The following CDH18 variants were observed in gnomAD, a reference collection of about 807,000 sequenced individuals.
CDH18 encodes cadherin 18.
A neutral mutation model predicts 67.9 loss-of-function variants in CDH18; 31 were observed. The ratio of observed to expected loss-of-function variants is 0.46; its 90% CI spans 0.34 to 0.62. The LOEUF is 0.62. CDH18 is among the 20% of genes least tolerant of loss of function. The pLI, the probability that CDH18 is intolerant of heterozygous loss-of-function variation, is 0.01. For missense variants in CDH18, 890 were observed against 975.5 expected, an observed-to-expected ratio of 0.91 and a Z score of 1.17; for synonymous variants, 362 against 347.2, an observed-to-expected ratio of 1.04 and a Z score of -0.48.
At position 19,503,780 on chromosome 5, in the gene CDH18, T is replaced by C. The variant is rs114262358; in HGVS notation, c.1513-671A>G. Among the ~76,000 whole-genome samples the C allele has an allele frequency of 4.5e-3, 692 of 152,280 alleles. 9 individuals are homozygous for C. Among genetic ancestry groups the C allele is most frequent in the African/African-American group, 0.016 (646 of 41,586 alleles). On this transcript the variant is annotated intron_variant, in intron 10 of 12. Transcript: ENST00000382275. ...AAAAAGCAGAGTAAGTTAGAATTTATGGTGGCCCAAGAGAAGAACGTGCAT... is the reference window on the plus strand; with the variant it reads ...AAAAAGCAGAGTAAGTTAGAATTTACGGTGGCCCAAGAGAAGAACGTGCAT...
At chr5:19,823,443 C>T (rs906982138) in intron 3 of CDH18, among the ~76,000 whole-genome samples, 1 of 152,140 alleles carries the variant, frequency 6.6e-6, no homozygotes, top group Non-Finnish European at 1.5e-5. Flanking sequence ...ATGAAATCTT[C>T]ATAATCCACA....
intron 1 of CDH18, among the ~76,000 whole-genome samples, chr5:20,528,406 A>C (rs1433986666): frequency 1.3e-5 from 2 of 152,060 alleles, no homozygotes; most frequent in African/African-American, 4.8e-5. Flanking sequence ...AGTGGACCTC[A>C]TAGATACCTA....
intron 9 of CDH18, among the ~76,000 whole-genome samples, chr5:19,530,292 GAT>G (rs1748387676): frequency 6.6e-6 from 1 of 151,736 alleles, no homozygotes; most frequent in South Asian, 2.1e-4. Context: ...GGAAACCATA[GAT>G]ATAAATATAA....
At position 20,502,624 on chromosome 5, in the gene CDH18, T is replaced by C. The variant is rs115289062; in HGVS notation, c.-580+72838A>G. ...CTGTAAATACATATTCATTCAAGCA[T>C]TGGTAGAAAAAATAATTATGTTTTT... On this transcript the variant is annotated intron_variant, in intron 1 of 14. Coordinates refer to the CDH18 transcript ENST00000507958. Among the ~76,000 whole-genome samples the C allele has an allele frequency of 1.0e-2, 1,517 of 152,274 alleles. 19 individuals carry two copies. Among genetic ancestry groups the C allele is most frequent in the African/African-American group, 0.034 (1,433 of 41,572 alleles).
chr5:19,501,348 T>C (rs534500275), intron 11 of CDH18, among the ~76,000 whole-genome samples: 4 of 149,432 alleles, frequency 2.7e-5, no homozygotes, highest in African/African-American at 9.8e-5. Context: ...TATTCCTGTA[T>C]TCCCAGCACT....
At chr5:20,408,322 T>C (rs1421788878) in intron 1 of CDH18, among the ~76,000 whole-genome samples, 1 of 152,070 alleles carries the variant, frequency 6.6e-6, no homozygotes, top group African/African-American at 2.4e-5. Flanking sequence ...CTACCAAGTA[T>C]AAAACTCATT....
At chr5:19,548,684 G>A (rs1176953889) in intron 8 of CDH18, among the ~76,000 whole-genome samples, 3 of 151,446 alleles carry the variant, frequency 2.0e-5, no homozygotes, top group African/African-American at 7.3e-5. Context: ...TAGAGAATTT[G>A]TCCAACATTA....
chr5:19,949,289 C>T (rs1048063195), intron 2 of CDH18, among the ~76,000 whole-genome samples: 2 of 151,944 alleles, frequency 1.3e-5, no homozygotes, highest in South Asian at 2.1e-4. Flanking sequence ...TTTTTCTTTT[C>T]AAGGTTTTAT....
At chr5:20,366,579 A>C (rs1294155573) in intron 1 of CDH18, among the ~76,000 whole-genome samples, 2 of 152,204 alleles carry the variant, frequency 1.3e-5, no homozygotes, top group African/African-American at 2.4e-5. Context: ...AAGCTCTGTC[A>C]CTTACCTGCC....
chr5:20,488,088 C>T (rs977022), intron 1 of CDH18, among the ~76,000 whole-genome samples: 5,860 of 152,102 alleles, frequency 0.039, 367 homozygotes, highest in African/African-American at 0.13. Flanking sequence ...ATATATTTTG[C>T]TCCTGGGAAG....
chr5:19,512,688 G>A (rs1424676914), intron 10 of CDH18, among the ~76,000 whole-genome samples: 1 of 152,154 alleles, frequency 6.6e-6, no homozygotes, highest in East Asian at 1.9e-4. Flanking sequence ...TGTCACGGTT[G>A]TTGCTATTAT....
intron 1 of CDH18, among the ~76,000 whole-genome samples, chr5:20,409,962 G>T (rs1746628025): frequency 6.6e-6 from 1 of 151,166 alleles, no homozygotes; most frequent in Admixed American, 6.6e-5. Context: ...AAATCTAAAT[G>T]GATTTATAAT....
At chr5:20,262,994 G>A (rs371881960) in intron 1 of CDH18, among the ~76,000 whole-genome samples, 4 of 124,906 alleles carry the variant, frequency 3.2e-5, no homozygotes, top group Non-Finnish European at 1.7e-5. Context: ...GGAAGGGAGG[G>A]AAGGGGAGGG....
At chr5:20,411,693 C>CAA (rs1224515582) in intron 1 of CDH18, among the ~76,000 whole-genome samples, 2 of 151,094 alleles carry the variant, frequency 1.3e-5, no homozygotes, top group African/African-American at 4.8e-5. Context: ...AAAATGTTCA[C>CAA]AAACTGTGTA....
chr5:20,100,570 A>G (rs1746368647), intron 2 of CDH18, among the ~76,000 whole-genome samples: 1 of 152,172 alleles, frequency 6.6e-6, no homozygotes, highest in Admixed American at 6.5e-5. Flanking sequence ...TGATTTTATT[A>G]CAATTTTTTT....
intron 5 of CDH18, among the ~76,000 whole-genome samples, chr5:19,664,112 T>C (rs938338414): frequency 1.3e-5 from 2 of 151,930 alleles, no homozygotes; most frequent in Non-Finnish European, 2.9e-5. Context: ...AATCTAATTA[T>C]AATATAACAT....
At chr5:20,071,790 A>C (rs536201784) in intron 2 of CDH18, among the ~76,000 whole-genome samples, 1 of 152,078 alleles carries the variant, frequency 6.6e-6, no homozygotes, top group Non-Finnish European at 1.5e-5. Context: ...TCTTTGAAAT[A>C]TGTTTCCCTT....
chr5:20,417,751 T>C (rs1345511999), intron 1 of CDH18, among the ~76,000 whole-genome samples: 2 of 152,182 alleles, frequency 1.3e-5, no homozygotes, highest in African/African-American at 4.8e-5. Flanking sequence ...CATATATTCC[T>C]GCAGATGAGA....
chr5:19,603,341 CAG>C lies in CDH18; in HGVS notation c.811+9091_811+9092del, dbSNP rs1747471436. 1.3e-5 allele frequency among the ~76,000 whole-genome samples: 2 copies of C among 151,828 alleles called. 1 individual carries two copies. Among genetic ancestry groups the C allele is most frequent in the South Asian group, 4.2e-4 (2 of 4,814 alleles). On this transcript the variant is annotated intron_variant, in intron 6 of 12. Coordinates refer to ENST00000382275, the MANE Select transcript of CDH18 (RefSeq NM_004934.5). ...TCATAGAGATAGAAAGTTGAATAAC[CAG>C]AGACTCAGGAGAGGGAAAATGGGAA...
Sources: allele counts gnomAD v4.1 joint callset (sites outside exome capture counted in the v4.1 genomes callset), GRCh38; gene constraint gnomAD v4.1.1; transcripts MANE v1.5; gene names NCBI Gene and HGNC (gene_info 2026-07-23, HGNC 2026-07-21).